The following GABPA variants were observed in gnomAD, a reference collection of about 807,000 sequenced individuals.
GABPA encodes GA binding protein transcription factor subunit alpha, also known as GA-binding protein alpha chain.
A neutral mutation model predicts 59.4 loss-of-function variants in GABPA; 4 were observed. The observed-to-expected ratio is 0.07, with a 90% CI of 0.03 to 0.15. GABPA has a LOEUF of 0.15. GABPA is among the 10% of genes least tolerant of loss of function. The pLI, the probability that GABPA is intolerant of heterozygous loss-of-function variation, is 1.00. For synonymous variants in GABPA, 164 were observed against 183.1 expected, an observed-to-expected ratio of 0.90 and a Z score of 0.84; for missense variants, 251 against 543.8, an observed-to-expected ratio of 0.46 and a Z score of 5.36.
chr21:25,752,374 G>A (rs2035534906), intron 5 of GABPA, 140 bp downstream of exon 5: 2 of 914,850 alleles, frequency 2.2e-6, no homozygotes, highest in Non-Finnish European at 3.3e-6. Context: ...TCTTTTAATT[G>A]TAACGCACAT....
rs1204681983 is a variant in GABPA at position 25,758,104 on chromosome 21, C to T, written c.648C>T (p.Asn216=). 4.3e-6 allele frequency: 7 copies of T among 1,611,006 alleles called. No individual in the cohort carries two copies. The highest frequency in any genetic ancestry group is 4.5e-5 in the East Asian group (2 of 44,772). ...CCGATATAGACCTCACCACACTCAA[C>T]ATTTCGGGGAGAGAATTATGTAGTC... is the stretch of plus-strand genomic sequence containing the variant. ...SMTDIDLTTL[N]ISGRELCSLN... The change falls in exon 6 of 10, where the codon AAC becomes AAT. Residue 216 remains asparagine, a synonymous_variant. Transcript: ENST00000400075.
At chr21:25,767,386 A>G (rs554467970) in intron 9 of GABPA, among the ~76,000 whole-genome samples, 203 of 152,142 alleles carry the variant, frequency 1.3e-3, no homozygotes, top group African/African-American at 4.6e-3. Context: ...AAGAGGGAAG[A>G]AAAGAAATCA....
At chr21:25,736,951 AC>A (rs2035085760) in intron 1 of GABPA, among the ~76,000 whole-genome samples, 1 of 152,208 alleles carries the variant, frequency 6.6e-6, no homozygotes, top group East Asian at 1.9e-4. Flanking sequence ...AGGTACCCCC[AC>A]ACTCCACTTA....
intron 1 of GABPA, among the ~76,000 whole-genome samples, chr21:25,740,626 C>T (rs968231578): frequency 6.6e-6 from 1 of 152,030 alleles, no homozygotes; most frequent in Admixed American, 6.5e-5. Flanking sequence ...TGGTTTTAAG[C>T]AATAGATAAA....
chr21:25,753,694 A>AT (rs1401692049), intron 5 of GABPA, among the ~76,000 whole-genome samples: 1 of 152,208 alleles, frequency 6.6e-6, no homozygotes, highest in Non-Finnish European at 1.5e-5. Context: ...TAAGAAATAG[A>AT]TATCTTAGAA....
chr21:25,763,980 G>T lies in GABPA; in HGVS notation c.803-230G>T, dbSNP rs71651635. On this transcript the variant is annotated intron_variant, in intron 7 of 9. Transcript: ENST00000400075. ...GCATCACTAAGTTATTTCCAAACAAGAATACTAGCTCTTACTAAGATGCAC... is the reference window on the plus strand; with the variant it reads ...GCATCACTAAGTTATTTCCAAACAATAATACTAGCTCTTACTAAGATGCAC... Among the ~76,000 whole-genome samples, 639 of 152,180 alleles carry T rather than the reference G, an allele frequency of 4.2e-3. 3 individuals are homozygous for T. The highest frequency in any genetic ancestry group is 0.013 in the African/African-American group (552 of 41,528).
rs1282308617 is a variant in GABPA, at chr21:25,769,055, G to A, written c.1188G>A (p.Val396=). The part of the protein sequence containing the change: ...MICKVQGKRF[V]YKFVCDLKTL... ...GTAAAGTTCAAGGCAAGAGATTTGT[G>A]TACAAGTTTGTCTGTGACTTGAAGA... Residue 396 remains valine, a synonymous_variant, in exon 10 of 10, where the codon GTG becomes GTA. Coordinates refer to ENST00000400075, the MANE Select transcript of GABPA (RefSeq NM_002040.4). 1.9e-6 allele frequency: 3 copies of A among 1,613,206 alleles called. No individual in the cohort carries two copies. Among genetic ancestry groups the A allele is most frequent in the African/African-American group, 1.3e-5 (1 of 74,870 alleles).
intron 5 of GABPA, among the ~76,000 whole-genome samples, chr21:25,756,432 A>G (rs1249842210): frequency 6.6e-6 from 1 of 151,948 alleles, no homozygotes; most frequent in Non-Finnish European, 1.5e-5. Context: ...GTTTCTCCTT[A>G]CTGTGGGCCA....
rs2035797168 is a variant in GABPA at position 25,762,869 on chromosome 21, A to G, written c.802+504A>G. 4 of 218,536 alleles carry G rather than the reference A, an allele frequency of 1.8e-5. No individual in the cohort carries two copies. In the South Asian group the frequency reaches 2.4e-4, roughly 13 times the overall value. 13.5% of individuals were successfully genotyped at this position (218,536 alleles called of 1,614,324 possible). A position where few individuals can be genotyped will look rare whatever the true frequency, so the allele number is the denominator to read the frequency against. ...TTTTCATTTGGTGGGAGTTGCAATC[A>G]AAGTATACAGTTGTATACATTCTAA... On this transcript the variant is annotated intron_variant, in intron 7 of 9. Coordinates refer to ENST00000400075, the MANE Select transcript of GABPA (RefSeq NM_002040.4).
rs1192876275 is a variant in GABPA at position 25,734,972 on chromosome 21, A to G, written c.-633A>G. 1 of 1,565,648 alleles carries G rather than the reference A, an allele frequency of 6.4e-7. No homozygotes were observed. Among genetic ancestry groups the G allele is most frequent in the Non-Finnish European group, 8.6e-7 (1 of 1,157,554 alleles). On this transcript the variant is annotated 5_prime_UTR_variant, in exon 1 of 10. Coordinates refer to ENST00000400075, the MANE Select transcript of GABPA (RefSeq NM_002040.4). The stretch of plus-strand genomic sequence containing the variant: ...GCAATGCATTATGGGCCGCCGTTTC[A>G]GTCGGTCGACGCTCACCGGACAGGA...
chr21:25,746,276 A>T (rs1432570824), intron 3 of GABPA, among the ~76,000 whole-genome samples: 1 of 152,138 alleles, frequency 6.6e-6, no homozygotes, highest in Non-Finnish European at 1.5e-5. Flanking sequence ...TGGCCTCCCA[A>T]AGTGCTAGGA....
chr21:25,744,057 A>C (rs1023552537), intron 2 of GABPA, among the ~76,000 whole-genome samples: 9 of 132,272 alleles, frequency 6.8e-5, no homozygotes, highest in African/African-American at 3.2e-4. Context: ...AAAAAAAAAA[A>C]AAAAAACCTA....
chr21:25,735,158 G>A lies in GABPA; in HGVS notation c.-447G>A. The A allele has an allele frequency of 3.1e-6, 2 of 638,462 alleles. No homozygotes were observed. The highest frequency in any genetic ancestry group is 3.6e-5 in the South Asian group (2 of 56,006). 39.5% of individuals were successfully genotyped at this position (638,462 alleles called of 1,614,324 possible). ...TTCTTTTTCCCCTCCTTGAAACCTTGCTCTGTACGCATGCGCTCTTTGAGT... is the reference window on the plus strand; with the variant it reads ...TTCTTTTTCCCCTCCTTGAAACCTTACTCTGTACGCATGCGCTCTTTGAGT... On this transcript the variant is annotated 5_prime_UTR_variant, in exon 1 of 10. Coordinates refer to ENST00000400075, the MANE Select transcript of GABPA (RefSeq NM_002040.4).
At chr21:25,738,551 A>C (rs1484973990) in intron 1 of GABPA, among the ~76,000 whole-genome samples, 2 of 152,158 alleles carry the variant, frequency 1.3e-5, no homozygotes, top group East Asian at 3.8e-4. Flanking sequence ...TTTATTTAAG[A>C]AATCTTTTTC....
At chr21:25,764,868 C>A in intron 9 of GABPA, 81 bp downstream of exon 9, 2 of 988,794 alleles carry the variant, frequency 2.0e-6, no homozygotes, top group African/African-American at 1.7e-5. Flanking sequence ...ATGTAATAAG[C>A]ATTGTTATGT....
intron 1 of GABPA, among the ~76,000 whole-genome samples, chr21:25,737,291 C>T (rs900304065): frequency 6.6e-6 from 1 of 152,072 alleles, no homozygotes; most frequent in Non-Finnish European, 1.5e-5. Flanking sequence ...GACATAGAAG[C>T]CTGAGGAATT....
rs2034989006 is a variant in GABPA at position 25,735,178 on chromosome 21, TTGAG to T, written c.-424_-421del. 2 of 605,688 alleles carry T rather than the reference TTGAG, an allele frequency of 3.3e-6. No individual in the cohort carries two copies. The highest frequency in any genetic ancestry group is 2.8e-5 in the East Asian group (1 of 36,110). 37.5% of individuals were successfully genotyped at this position (605,688 alleles called of 1,614,324 possible). On this transcript the variant is annotated 5_prime_UTR_variant, in exon 1 of 10. The change abolishes the stop of an existing upstream ORF in the 5' untranslated region. Transcript: ENST00000400075. ...ACCTTGCTCTGTACGCATGCGCTCT[TTGAG>T]TGGCCTTTCCCCTAGTTCAAGCTCC...
At chr21:25,756,701 A>G (rs1568948269) in intron 5 of GABPA, among the ~76,000 whole-genome samples, 2 of 152,150 alleles carry the variant, frequency 1.3e-5, no homozygotes, top group East Asian at 3.8e-4. Flanking sequence ...GAGGTCTTAT[A>G]GCTGTTATTG....
In GABPA at chr21:25,769,936, T is replaced by C. The variant is rs1340165486; in HGVS notation, c.*704T>C. The C allele has an allele frequency of 6.6e-6, 1 of 152,610 alleles. No individual in the cohort carries two copies. Among genetic ancestry groups the C allele is most frequent in the Non-Finnish European group, 1.5e-5 (1 of 68,014 alleles). The allele number at this position is 152,610 out of a possible 1,614,324, so 9.5% of individuals were successfully genotyped here. On this transcript the variant is annotated 3_prime_UTR_variant, in exon 10 of 10. Transcript: ENST00000400075. ...CATGTCAGACCAAGAATTTAAATTA[T>C]TTTGAGAGAGGCATTTAATTCTAAT...
Sources: gnomAD v4.1 joint callset for allele counts (sites outside exome capture counted in the v4.1 genomes callset) on GRCh38, gnomAD v4.1.1 for gene constraint, MANE v1.5 for transcripts, NCBI Gene and HGNC (gene_info 2026-07-23, HGNC 2026-07-21) for gene names.